Variants in NALF1 observed in about 807,000 individuals in gnomAD.
The protein encoded by NALF1 is family with sequence similarity 155 member A.
In NALF1, 3 loss-of-function variants were observed where a neutral mutation model predicts 48.4. The observed-to-expected ratio is 0.06, with a 90% CI of 0.03 to 0.16. The LOEUF (loss-of-function observed/expected upper bound fraction) is 0.16. Ranked by LOEUF, NALF1 falls within the 10% of genes least tolerant of loss-of-function variation. NALF1 has a pLI of 1.00. For synonymous variants in NALF1, 262 were observed against 245.7 expected (o/e 1.07, Z -0.62); for missense variants, 526 against 571.5 (o/e 0.92, Z 0.81).
intron 1 of NALF1, among the ~76,000 whole-genome samples, chr13:107,350,045 T>G (rs527404403): frequency 6.6e-6 from 1 of 152,258 alleles, no homozygotes; most frequent in East Asian, 1.9e-4. Flanking sequence ...GTAGGGTTCA[T>G]GCTCTTATGA....
chr13:107,600,548 C>G (rs1291527507), intron 1 of NALF1, among the ~76,000 whole-genome samples: 1 of 152,030 alleles, frequency 6.6e-6, no homozygotes, highest in Non-Finnish European at 1.5e-5. Flanking sequence ...TTTTGAATAG[C>G]TAACTTACTC....
chr13:107,690,765 G>A (rs1388731075), intron 1 of NALF1, among the ~76,000 whole-genome samples: 3 of 152,216 alleles, frequency 2.0e-5, no homozygotes, highest in Non-Finnish European at 2.9e-5. Context: ...CATTGAGGAG[G>A]ATGAAGAAAG....
At position 107,371,045 on chromosome 13, in the gene NALF1, G is replaced by A. The variant is rs142256732; in HGVS notation, c.916-160290C>T. Among the ~76,000 whole-genome samples, 52 of 152,240 alleles carry A rather than the reference G, an allele frequency of 3.4e-4. No individual in the cohort carries two copies. The East Asian group carries it at 8.3e-3, about 24-fold the overall frequency. On this transcript the variant is annotated intron_variant, in intron 1 of 2. Coordinates refer to ENST00000375915, the MANE Select transcript of NALF1 (RefSeq NM_001080396.3). The stretch of plus-strand genomic sequence containing the variant: ...AAGATGAGATTTGGGTGGGGACACC[G>A]CCAAACCATATCAATAGTAAACTTG...
chr13:107,616,770 A>G (rs144426003), intron 1 of NALF1, among the ~76,000 whole-genome samples: 1 of 152,290 alleles, frequency 6.6e-6, no homozygotes, highest in Non-Finnish European at 1.5e-5. Flanking sequence ...CATGCAGCCC[A>G]GTACTCCCCA....
intron 1 of NALF1, among the ~76,000 whole-genome samples, chr13:107,657,089 G>A (rs1412185563): frequency 6.6e-6 from 1 of 151,852 alleles, no homozygotes. Context: ...CAGGTGATGG[G>A]TGCACCAAAA....
chr13:107,367,053 T>C (rs1445668338), intron 1 of NALF1, among the ~76,000 whole-genome samples: 1 of 152,160 alleles, frequency 6.6e-6, no homozygotes, highest in African/African-American at 2.4e-5. Flanking sequence ...TGGGGACAAC[T>C]AGTCCCTTGC....
Position 107,165,674 on chromosome 13 carries a change from T to C in NALF1, c.*4823A>G, listed in dbSNP as rs964906806. 7 of 152,256 alleles carry C rather than the reference T, an allele frequency of 4.6e-5. No individual in the cohort carries two copies. Among genetic ancestry groups the C allele is most frequent in the African/African-American group, 1.7e-4 (7 of 41,474 alleles). The allele number at this position is 152,256 out of a possible 1,614,324, so 9.4% of individuals were successfully genotyped here. A position where few individuals can be genotyped will look rare whatever the true frequency, so the allele number is the denominator to read the frequency against. On this transcript the variant is annotated 3_prime_UTR_variant, in exon 3 of 3. Transcript: ENST00000375915. ...TGTTTGATAGTTCTTATAAATGTCA[T>C]GAAGACATTGCTTGAAAACTATACT...
chr13:107,203,129 A>G (rs994422793), intron 2 of NALF1, among the ~76,000 whole-genome samples: 11 of 152,222 alleles, frequency 7.2e-5, no homozygotes, highest in Non-Finnish European at 1.6e-4. Context: ...AAGATGTCTT[A>G]CTTGCAGACA....
At chr13:107,736,161 C>G (rs1402666528) in intron 1 of NALF1, among the ~76,000 whole-genome samples, 1 of 147,620 alleles carries the variant, frequency 6.8e-6, no homozygotes, top group East Asian at 2.0e-4. Flanking sequence ...ACAATTGCAC[C>G]AAGATGCATA....
intron 1 of NALF1, among the ~76,000 whole-genome samples, chr13:107,284,968 C>T (rs1242506687): frequency 6.6e-6 from 1 of 151,944 alleles, no homozygotes; most frequent in African/African-American, 2.4e-5. Flanking sequence ...AATTCTGGAG[C>T]TGAAAAGTGT....
chr13:107,417,699 T>C (rs1015666395), intron 1 of NALF1, among the ~76,000 whole-genome samples: 1 of 152,148 alleles, frequency 6.6e-6, no homozygotes. Context: ...CACCAATGTA[T>C]TAAATGGAAG....
chr13:107,612,431 TG>T (rs1446158348), intron 1 of NALF1, among the ~76,000 whole-genome samples: 1 of 152,104 alleles, frequency 6.6e-6, no homozygotes, highest in African/African-American at 2.4e-5. Flanking sequence ...TACGTCGGCT[TG>T]CCTGGGCCAT....
At chr13:107,853,103 T>G (rs544596921) in intron 1 of NALF1, among the ~76,000 whole-genome samples, 14 of 152,266 alleles carry the variant, frequency 9.2e-5, no homozygotes, top group Admixed American at 7.8e-4. Context: ...AGTCATCACA[T>G]GGAAAAAAAG....
At chr13:107,304,518 G>T (rs1257278346) in intron 1 of NALF1, among the ~76,000 whole-genome samples, 3 of 152,200 alleles carry the variant, frequency 2.0e-5, no homozygotes, top group South Asian at 4.1e-4. Context: ...CATGCTCATT[G>T]TAGAACTGCA....
chr13:107,559,550 C>T (rs1366652678), intron 1 of NALF1, among the ~76,000 whole-genome samples: 8 of 152,126 alleles, frequency 5.3e-5, no homozygotes, highest in African/African-American at 1.7e-4. Context: ...AGGAGGCATG[C>T]GGTCTGCAGA....
At chr13:107,278,351 T>C (rs897475178) in intron 1 of NALF1, among the ~76,000 whole-genome samples, 5 of 152,234 alleles carry the variant, frequency 3.3e-5, no homozygotes, top group Admixed American at 3.3e-4. Flanking sequence ...TCTTGACAAG[T>C]CCATATTATT....
At chr13:107,275,158 A>G (rs1194296707) in intron 1 of NALF1, among the ~76,000 whole-genome samples, 1 of 152,162 alleles carries the variant, frequency 6.6e-6, no homozygotes, top group Non-Finnish European at 1.5e-5. Flanking sequence ...GCCAGTGTCG[A>G]CCTTCTTTAA....
intron 1 of NALF1, among the ~76,000 whole-genome samples, chr13:107,782,714 G>T (rs1877933796): frequency 6.6e-6 from 1 of 150,886 alleles, no homozygotes; most frequent in African/African-American, 2.4e-5. Flanking sequence ...CGCCCCGTCT[G>T]GGATGTGAGG....
At chr13:107,251,366 G>T (rs1169615226) in intron 1 of NALF1, among the ~76,000 whole-genome samples, 1 of 152,170 alleles carries the variant, frequency 6.6e-6, no homozygotes, top group Non-Finnish European at 1.5e-5. Flanking sequence ...CACAGACTTA[G>T]CAGAATTTTA....
Sources: gnomAD v4.1 joint callset for allele counts (sites outside exome capture counted in the v4.1 genomes callset) on GRCh38, gnomAD v4.1.1 for gene constraint, MANE v1.5 for transcripts, NCBI Gene and HGNC (gene_info 2026-07-23, HGNC 2026-07-21) for gene names.